EYS: variants seen among roughly 807,000 people sequenced by gnomAD.
EYS encodes the protein protein eyes shut homolog.
A neutral mutation model predicts 282.1 loss-of-function variants in EYS; 250 were observed. The observed-to-expected ratio is 0.89, with a 90% CI of 0.80 to 0.98. The LOEUF (loss-of-function observed/expected upper bound fraction) is 0.98. Among genes scored for constraint, EYS ranks in the 50% least tolerant of loss-of-function variants. The probability of loss-of-function intolerance (pLI) is 0.00; values close to 1 mark genes in which losing one functional copy is unlikely to be tolerated. For missense variants in EYS, 4,016 were observed against 3,709.0 expected, an observed-to-expected ratio of 1.08 and a Z score of -2.15; for synonymous variants, 1,355 against 1,282.9, an observed-to-expected ratio of 1.06 and a Z score of -1.20.
intron 33 of EYS, among the ~76,000 whole-genome samples, chr6:64,007,182 T>C (rs2170544): frequency 0.032 from 4,814 of 152,268 alleles, 263 homozygotes; most frequent in African/African-American, 0.11. Flanking sequence ...AAACACATTA[T>C]TGGTCTGTTC....
chr6:63,826,845 C>CAAAAAAAAAAAAAAAAAAGGAAAAA (rs1771475758), intron 36 of EYS, among the ~76,000 whole-genome samples: 23 of 76,740 alleles, frequency 3.0e-4, no homozygotes, highest in East Asian at 8.2e-4. Flanking sequence ...AGTTAAAAAG[C>CAAAAAAAAAAAAAAAAAAGGAAAAA]AAAAAAAAAA....
At chr6:65,579,178 G>A (rs920598974) in intron 2 of EYS, among the ~76,000 whole-genome samples, 6 of 152,084 alleles carry the variant, frequency 3.9e-5, no homozygotes, top group African/African-American at 1.4e-4. Flanking sequence ...CTTTCTTAGG[G>A]AACTTAAGCA....
Position 64,902,109 on chromosome 6 carries a change from T to C in EYS, c.2846+4A>G. 1 of 1,528,146 alleles carries C rather than the reference T, an allele frequency of 6.5e-7. No individual in the cohort carries two copies. The highest frequency in any genetic ancestry group is 8.8e-7 in the Non-Finnish European group (1 of 1,132,136). 94.7% of individuals were successfully genotyped at this position (1,528,146 alleles called of 1,614,324 possible). A position where few individuals can be genotyped will look rare whatever the true frequency, so the allele number is the denominator to read the frequency against. On this transcript the variant is annotated splice_donor_region_variant and intron_variant, in intron 18 of 42. Transcript: ENST00000503581. The stretch of plus-strand genomic sequence containing the variant: ...AATTAATTTAATAAAAAGTAGCTTC[T>C]CACCTGTTTGTCAGATCCACACATG...
chr6:65,573,147 C>A (rs114717404), intron 2 of EYS, among the ~76,000 whole-genome samples: 54 of 152,198 alleles, frequency 3.5e-4, no homozygotes, highest in African/African-American at 1.3e-3. Flanking sequence ...GCTCTCATCT[C>A]CCCCTCAGAA....
At chr6:65,427,774 TAATC>T (rs1767717754) in intron 5 of EYS, among the ~76,000 whole-genome samples, 1 of 152,042 alleles carries the variant, frequency 6.6e-6, no homozygotes, top group African/African-American at 2.4e-5. Flanking sequence ...AGATTTGAAA[TAATC>T]AAAATAGTAT....
At chr6:65,236,346 T>C (rs1766922219) in intron 12 of EYS, among the ~76,000 whole-genome samples, 1 of 152,168 alleles carries the variant, frequency 6.6e-6, no homozygotes, top group Admixed American at 6.6e-5. Flanking sequence ...GCACGGTGGC[T>C]CATGCCTGTA....
intron 14 of EYS, among the ~76,000 whole-genome samples, chr6:64,962,558 C>T (rs1452801140): frequency 6.6e-6 from 1 of 151,146 alleles, no homozygotes; most frequent in South Asian, 2.1e-4. Context: ...AGGAAGACAC[C>T]CTATCTTTAC....
intron 12 of EYS, among the ~76,000 whole-genome samples, chr6:65,169,672 TG>T (rs1765058560): frequency 6.6e-6 from 1 of 151,440 alleles, no homozygotes; most frequent in African/African-American, 2.4e-5. Flanking sequence ...AATTTTTTTT[TG>T]GGTGAGAGCA....
intron 31 of EYS, among the ~76,000 whole-genome samples, chr6:64,151,335 A>G (rs905736170): frequency 7.7e-5 from 8 of 103,994 alleles, no homozygotes; most frequent in East Asian, 2.8e-4. Context: ...ATATATATAT[A>G]TATATATATA....
chr6:65,191,883 A>G (rs750284796), intron 12 of EYS, among the ~76,000 whole-genome samples: 14 of 151,970 alleles, frequency 9.2e-5, no homozygotes, highest in Non-Finnish European at 1.8e-4. Context: ...TACAACTGCT[A>G]ACTAGAAATA....
rs1222689529 is a variant in EYS, at chr6:64,687,464, T to C, written c.3444-61219A>G. 2.6e-5 allele frequency among the ~76,000 whole-genome samples: 4 copies of C among 152,180 alleles called. No individual in the cohort carries two copies. The South Asian group carries it at 8.3e-4, about 32-fold the overall frequency. On this transcript the variant is annotated intron_variant, in intron 22 of 42. Coordinates refer to ENST00000503581, the MANE Select transcript of EYS (RefSeq NM_001142800.2). ...AATTTTGTTGAAGGCCTTTTCTGCA[T>C]CTATTGAGATAATCATGTGGTTTTT... is the stretch of plus-strand genomic sequence containing the variant.
At chr6:65,689,652 C>T (rs1335038064) in intron 1 of EYS, among the ~76,000 whole-genome samples, 2 of 150,118 alleles carry the variant, frequency 1.3e-5, no homozygotes, top group African/African-American at 2.4e-5. Context: ...TTTACTGCTT[C>T]ATCCTGTTTT....
At chr6:63,748,877 TTTC>T in intron 41 of EYS, among the ~76,000 whole-genome samples, 1 of 152,126 alleles carries the variant, frequency 6.6e-6, no homozygotes, top group Non-Finnish European at 1.5e-5. Context: ...TCTTCTCTCT[TTTC>T]TTCTTTATTG....
At position 64,979,163 on chromosome 6, in the gene EYS, C is replaced by T. The variant is rs115801422; in HGVS notation, c.2259+18419G>A. On this transcript the variant is annotated intron_variant, in intron 14 of 42. Coordinates refer to ENST00000503581, the MANE Select transcript of EYS (RefSeq NM_001142800.2). Reference sequence around the variant, plus strand: ...AGAGTCAACTGATGCATTAGGAAACCAAAAACTGTATGACTCGCTTTATTG... The same window carrying T: ...AGAGTCAACTGATGCATTAGGAAACTAAAAACTGTATGACTCGCTTTATTG... 2.6e-3 allele frequency among the ~76,000 whole-genome samples: 400 copies of T among 151,736 alleles called. 3 individuals are homozygous for T. Among genetic ancestry groups the T allele is most frequent in the Middle Eastern group, 0.014 (4 of 292 alleles).
Position 64,081,952 on chromosome 6 carries a change from G to A in EYS, c.6475C>T (p.Pro2159Ser), listed in dbSNP as rs727503921. Reference sequence around the variant, plus strand: ...TTCTCCAGGACAAACTTCAAAAAGGGCAGTTCTAAATAGGAATTCCCATTG... The same window carrying A: ...TTCTCCAGGACAAACTTCAAAAAGGACAGTTCTAAATAGGAATTCCCATTG... ...SFNGNSYLEL[P>S]FLKFVLEKEH... Residue 2159 changes from proline to serine, a missense_variant, in exon 32 of 43, where the codon CCC becomes TCC. Physicochemically the swap from Pro to Ser is moderately conservative, Grantham distance 74 (BLOSUM62 -1). Coordinates refer to ENST00000503581, the MANE Select transcript of EYS (RefSeq NM_001142800.2). The A allele has an allele frequency of 1.9e-6, 3 of 1,545,024 alleles. No homozygotes were observed. The highest frequency in any genetic ancestry group is 2.7e-5 in the African/African-American group (2 of 72,828).
rs370958705 is a variant in EYS, at chr6:64,081,601, A to G, written c.6571+255T>C. On this transcript the variant is annotated intron_variant, in intron 32 of 42. Transcript: ENST00000503581. ...GCATTTGTTTTACTGCTATAGCCATATGCTGTCAAATTCATATGCTTGCTA... is the reference window on the plus strand; with the variant it reads ...GCATTTGTTTTACTGCTATAGCCATGTGCTGTCAAATTCATATGCTTGCTA... Among the ~76,000 whole-genome samples, 63 of 152,312 alleles carry G rather than the reference A, an allele frequency of 4.1e-4. No homozygotes were observed. The East Asian group carries it at 8.5e-3, about 21-fold the overall frequency.
chr6:65,182,037 A>G (rs1765399870), intron 12 of EYS, among the ~76,000 whole-genome samples: 2 of 152,010 alleles, frequency 1.3e-5, no homozygotes, highest in Middle Eastern at 3.4e-3. Context: ...GAAGGGGAAC[A>G]TCACACACCG....
At chr6:65,280,353 T>G (rs888094990) in intron 12 of EYS, among the ~76,000 whole-genome samples, 3 of 152,160 alleles carry the variant, frequency 2.0e-5, no homozygotes, top group Admixed American at 1.3e-4. Flanking sequence ...AACAAATGTC[T>G]GTATCAGACA....
At chr6:64,152,915 G>A (rs950638842) in intron 31 of EYS, among the ~76,000 whole-genome samples, 1 of 152,018 alleles carries the variant, frequency 6.6e-6, no homozygotes, top group Non-Finnish European at 1.5e-5. Flanking sequence ...ATGGAGATGA[G>A]GCAAAAACAG....
Sources: allele counts gnomAD v4.1 joint callset (sites outside exome capture counted in the v4.1 genomes callset), GRCh38; gene constraint gnomAD v4.1.1; transcripts MANE v1.5; gene names NCBI Gene and HGNC (gene_info 2026-07-23, HGNC 2026-07-21).